C1QTNF3: variants seen among roughly 807,000 people sequenced by gnomAD.
C1QTNF3 encodes C1q and TNF related 3, also known as complement C1q tumor necrosis factor-related protein 3.
In C1QTNF3, 26 loss-of-function variants were observed where a neutral mutation model predicts 32.6. The observed-to-expected ratio is 0.80, with a 90% confidence interval of 0.58 to 1.11. The LOEUF is 1.11. Among genes scored for constraint, C1QTNF3 ranks in the 50% least tolerant of loss-of-function variants. The probability of loss-of-function intolerance (pLI) is 0.00; values close to 1 mark genes in which losing one functional copy is unlikely to be tolerated. For missense variants in C1QTNF3, 362 were observed against 398.2 expected (o/e 0.91, Z 0.77); for synonymous variants, 155 against 146.0 (o/e 1.06, Z -0.44).
chr5:34,020,778 TGCCATGAAC>T (rs1754305876), intron 5 of C1QTNF3, 36 bp from the exon 6 acceptor site: 1 of 1,596,698 alleles, frequency 6.3e-7, no homozygotes, highest in Non-Finnish European at 8.6e-7. Context: ...ACTTAGTTTT[TGCCATGAAC>T]AACCAGCTCT....
In C1QTNF3 at chr5:34,020,659, A is replaced by T; in HGVS notation, c.884T>A (p.Met295Lys). 6.2e-7 allele frequency: 1 copy of T among 1,614,250 alleles called. No individual in the cohort carries two copies. Among genetic ancestry groups the T allele is most frequent in the South Asian group, 1.1e-5 (1 of 91,092 alleles). Reference protein sequence around the residue: ...LAKGDEVWLRMGNGALHGDHQ... With the variant: ...LAKGDEVWLRKGNGALHGDHQ... ...GTCCCCATGGAGAGCGCCATTGCCC[A>T]TTCGCAGCCAAACCTCATCCCCTTT... The change falls in exon 6 of 6, where the codon ATG (methionine) becomes AAG (lysine). Residue 295 changes from methionine (M) to lysine (K), a missense_variant. Transcript: ENST00000382065.
intron 1 of C1QTNF3, among the ~76,000 whole-genome samples, chr5:34,036,802 A>C (rs894925249): frequency 6.6e-6 from 1 of 152,150 alleles, no homozygotes; most frequent in Admixed American, 6.5e-5. Flanking sequence ...AAATACAAAA[A>C]TTAGCCAGGC....
chr5:34,159,067 G>C, the C1QTNF3 span, among the ~76,000 whole-genome samples: 1 of 151,926 alleles, frequency 6.6e-6, no homozygotes, highest in Non-Finnish European at 1.5e-5. Context: ...CACCAAATAA[G>C]TCAGTGCCTT....
At chr5:34,130,132 T>C in the C1QTNF3 span, among the ~76,000 whole-genome samples, 80,670 of 149,366 alleles carry the variant, frequency 0.54, 23,042 homozygotes, top group Non-Finnish European at 0.64. Context: ...TTTATATATA[T>C]ACACACACAC....
At chr5:34,165,398 T>C in the C1QTNF3 span, 1 of 152,146 alleles carries the variant, frequency 6.6e-6, no homozygotes, top group Non-Finnish European at 1.5e-5. Context: ...TGTGTGTATA[T>C]ATATATGTAT....
the C1QTNF3 span, chr5:34,167,504 T>C: frequency 1.3e-4 from 20 of 152,332 alleles, no homozygotes; most frequent in Admixed American, 8.5e-4. Flanking sequence ...CTTCACTGCA[T>C]ATGCATTAAC....
At chr5:34,092,193 C>T in the C1QTNF3 span, among the ~76,000 whole-genome samples, 2 of 151,894 alleles carry the variant, frequency 1.3e-5, no homozygotes, top group Non-Finnish European at 2.9e-5. Context: ...AACAGAAAAT[C>T]GAGAAACAAA....
chr5:34,033,955 A>G (rs1006747897), intron 2 of C1QTNF3, among the ~76,000 whole-genome samples: 1 of 152,216 alleles, frequency 6.6e-6, no homozygotes, highest in Non-Finnish European at 1.5e-5. Context: ...TGAGCCCTAG[A>G]GTTTGAGACA....
At chr5:34,161,067 T>C in the C1QTNF3 span, among the ~76,000 whole-genome samples, 1 of 152,162 alleles carries the variant, frequency 6.6e-6, no homozygotes, top group Non-Finnish European at 1.5e-5. Flanking sequence ...TTCTCTGGAG[T>C]GAGCTGACAT....
chr5:34,054,627 T>C, the C1QTNF3 span, among the ~76,000 whole-genome samples: 7 of 152,348 alleles, frequency 4.6e-5, no homozygotes, highest in East Asian at 1.2e-3. Context: ...TCTTCTTGAC[T>C]GAATTATGAA....
the C1QTNF3 span, among the ~76,000 whole-genome samples, chr5:34,101,080 C>T: frequency 6.6e-6 from 1 of 151,464 alleles, no homozygotes; most frequent in Non-Finnish European, 1.5e-5. Flanking sequence ...TTTGACAATT[C>T]TCTTTTTTAA....
the C1QTNF3 span, among the ~76,000 whole-genome samples, chr5:34,116,200 A>T: frequency 3.3e-5 from 5 of 152,300 alleles, no homozygotes; most frequent in East Asian, 7.7e-4. Flanking sequence ...GAAGATTTTT[A>T]AAATTTCATT....
At chr5:34,107,183 C>G in the C1QTNF3 span, among the ~76,000 whole-genome samples, 1 of 114,236 alleles carries the variant, frequency 8.8e-6, no homozygotes, top group East Asian at 2.2e-4. Context: ...GGTATAAACA[C>G]TATCATATGA....
chr5:34,124,426 G>A, the C1QTNF3 span: 5 of 716,298 alleles, frequency 7.0e-6, no homozygotes, highest in Admixed American at 6.0e-5. Flanking sequence ...ACCTGCTTCT[G>A]GAGAGGCCTC....
the C1QTNF3 span, among the ~76,000 whole-genome samples, chr5:34,177,678 G>A: frequency 2.6e-5 from 4 of 150,958 alleles, no homozygotes; most frequent in Non-Finnish European, 4.4e-5. Flanking sequence ...TAGTAGAGAC[G>A]GGGTTTCACC....
chr5:34,154,746 A>T, the C1QTNF3 span, among the ~76,000 whole-genome samples: 1 of 152,166 alleles, frequency 6.6e-6, no homozygotes, highest in African/African-American at 2.4e-5. Context: ...AAAGAGAGAG[A>T]GAGCTAGAGA....
chr5:34,040,988 A>G (rs778904260), intron 1 of C1QTNF3, among the ~76,000 whole-genome samples: 15 of 152,110 alleles, frequency 9.9e-5, no homozygotes, highest in Non-Finnish European at 1.9e-4. Context: ...ATTTATCTCT[A>G]CTACAGCCCT....
the C1QTNF3 span, among the ~76,000 whole-genome samples, chr5:34,169,583 T>C: frequency 6.6e-6 from 1 of 152,326 alleles, no homozygotes; most frequent in East Asian, 1.9e-4. Flanking sequence ...TTCTGTTGAT[T>C]GTATCCTTAG....
the C1QTNF3 span, chr5:34,165,827 A>G: frequency 6.7e-6 from 1 of 149,392 alleles, no homozygotes; most frequent in African/African-American, 2.4e-5. Context: ...ATATTTTCCA[A>G]ACTCCATGAG....
Sources: gnomAD v4.1 joint callset for allele counts (sites outside exome capture counted in the v4.1 genomes callset) on GRCh38, gnomAD v4.1.1 for gene constraint, MANE v1.5 for transcripts, NCBI Gene and HGNC (gene_info 2026-07-23, HGNC 2026-07-21) for gene names.